Variants in PHLPP1 observed in about 807,000 individuals in gnomAD.
The protein encoded by PHLPP1 is PH domain leucine-rich repeat-containing protein phosphatase 1.
PHLPP1 carries 42 observed loss-of-function variants against 117.2 expected under a neutral mutation model. The ratio of observed to expected loss-of-function variants is 0.36; its 90% CI spans 0.28 to 0.46. The LOEUF (loss-of-function observed/expected upper bound fraction) is 0.46. Ranked by LOEUF, PHLPP1 falls within the 20% of genes least tolerant of loss-of-function variation. The probability of loss-of-function intolerance (pLI) is 1.00; values close to 1 mark genes in which losing one functional copy is unlikely to be tolerated. For synonymous variants in PHLPP1, 1,042 were observed against 970.7 expected (o/e 1.07, Z -1.37); for missense variants, 2,084 against 2,241.9 (o/e 0.93, Z 1.42).
chr18:62,778,505 G>A (rs973793458), intron 1 of PHLPP1, among the ~76,000 whole-genome samples: 3 of 152,074 alleles, frequency 2.0e-5, no homozygotes, highest in Non-Finnish European at 2.9e-5. Flanking sequence ...TCTTTTGGTA[G>A]GAATAAATTC....
chr18:62,771,813 C>T (rs1912790190), intron 1 of PHLPP1, among the ~76,000 whole-genome samples: 1 of 152,232 alleles, frequency 6.6e-6, no homozygotes, highest in African/African-American at 2.4e-5. Flanking sequence ...ATGCACACTA[C>T]TCTAGGCCTT....
intron 4 of PHLPP1, among the ~76,000 whole-genome samples, chr18:62,862,214 G>A (rs1915650972): frequency 6.6e-6 from 1 of 151,882 alleles, no homozygotes; most frequent in African/African-American, 2.4e-5. Context: ...GAAGTAGCTG[G>A]GATTACAGGC....
intron 1 of PHLPP1, among the ~76,000 whole-genome samples, chr18:62,747,771 T>C (rs1165731219): frequency 1.3e-5 from 2 of 151,962 alleles, no homozygotes; most frequent in Admixed American, 1.3e-4. Flanking sequence ...CCTCTCGCCT[T>C]GGCCTTCCAG....
In PHLPP1 at chr18:62,830,126, A is replaced by T; in HGVS notation, c.1668A>T (p.Arg556=). 1 of 1,612,352 alleles carries T rather than the reference A, an allele frequency of 6.2e-7. No individual in the cohort carries two copies. Residue 556 remains arginine, a synonymous_variant, in exon 2 of 17, where the codon CGA becomes CGT. Transcript: ENST00000262719. ...RKGKMQLPVN[R]WTRRQVILCG... is the part of the protein sequence containing the mutation. Reference sequence around the variant, plus strand: ...GCAAGATGCAGTTGCCAGTGAACCGATGGACAAGACGCCAAGTCATCCTAT... The same window carrying T: ...GCAAGATGCAGTTGCCAGTGAACCGTTGGACAAGACGCCAAGTCATCCTAT...
intron 4 of PHLPP1, among the ~76,000 whole-genome samples, chr18:62,872,053 C>T (rs1915919018): frequency 6.6e-6 from 1 of 152,126 alleles, no homozygotes; most frequent in African/African-American, 2.4e-5. Context: ...TTTACCCGTA[C>T]CCTCTAAAAG....
At chr18:62,851,964 G>T (rs1237128050) in intron 3 of PHLPP1, among the ~76,000 whole-genome samples, 1 of 151,540 alleles carries the variant, frequency 6.6e-6, no homozygotes, top group Non-Finnish European at 1.5e-5. Context: ...GCAGCCTCAA[G>T]CTTCTGGGCT....
chr18:62,943,767 A>G (rs1253221902), intron 11 of PHLPP1, among the ~76,000 whole-genome samples: 1 of 152,202 alleles, frequency 6.6e-6, no homozygotes, highest in African/African-American at 2.4e-5. Flanking sequence ...TCACGTTTCA[A>G]CATGAGATTT....
At chr18:62,819,006 A>G (rs1337217053) in intron 1 of PHLPP1, among the ~76,000 whole-genome samples, 1 of 152,264 alleles carries the variant, frequency 6.6e-6, no homozygotes, top group Non-Finnish European at 1.5e-5. Flanking sequence ...CAATAGATGT[A>G]TGTGTTAGAC....
intron 10 of PHLPP1, among the ~76,000 whole-genome samples, chr18:62,924,676 GAAAAAAAAAAA>G (rs35464959): frequency 5.3e-5 from 5 of 93,610 alleles, no homozygotes; most frequent in African/African-American, 2.2e-4. Flanking sequence ...ACTACAAATT[GAAAAAAAAAAA>G]AAAAAAAAAA....
intron 1 of PHLPP1, among the ~76,000 whole-genome samples, chr18:62,772,913 T>C (rs1298891494): frequency 6.7e-6 from 1 of 149,606 alleles, no homozygotes; most frequent in Non-Finnish European, 1.5e-5. Flanking sequence ...CAAAATACAA[T>C]CCTTATATAT....
In PHLPP1 at chr18:62,867,992, A is replaced by G. The variant is rs150962478; in HGVS notation, c.2066+7391A>G. Among the ~76,000 whole-genome samples the G allele has an allele frequency of 2.1e-3, 315 of 151,932 alleles. 1 individual carries two copies. Among genetic ancestry groups the G allele is most frequent in the African/African-American group, 7.2e-3 (299 of 41,430 alleles). ...ACGCCCGGCTAATTTTTCTATTTTT[A>G]GTGGAGACAAGGTTTCACTGTTTTA... On this transcript the variant is annotated intron_variant, in intron 4 of 16. Transcript: ENST00000262719.
At position 62,941,915 on chromosome 18, in the gene PHLPP1, C is replaced by T. The variant is rs1910141411; in HGVS notation, c.3158C>T (p.Ala1053Val). 1 of 1,612,178 alleles carries T rather than the reference C, an allele frequency of 6.2e-7. No homozygotes were observed. Among genetic ancestry groups the T allele is most frequent in the Admixed American group, 1.7e-5 (1 of 59,962 alleles). Residue 1053 changes from alanine (A) to valine (V), a missense_variant, in exon 11 of 17, where the codon GCA becomes GTA. Transcript: ENST00000262719. ...MAYNRLQSFP[A>V]SKMAKLEELE... ...TATAACCGACTTCAGAGTTTTCCAG[C>T]AAGGTAAAGGACAGTTGTAAAGCTG...
Position 62,716,812 on chromosome 18 carries a change from G to A in PHLPP1, c.1129G>A (p.Glu377Lys). Reference sequence around the variant, plus strand: ...CGGCGGCGGCTCCTCGTCGTCGTCGGAAGAGCTCGAGGCCGACGCAGCCTC... The same window carrying A: ...CGGCGGCGGCTCCTCGTCGTCGTCGAAAGAGCTCGAGGCCGACGCAGCCTC... ...SSGGGSSSSS[E>K]ELEADAASAP... The change falls in exon 1 of 17, where the codon GAA becomes AAA. Residue 377 changes from glutamate to lysine, a missense_variant. Physicochemically the swap from Glu to Lys is moderately conservative, Grantham distance 56. Around this residue, in one of 2 missense-constraint regions of PHLPP1, gnomAD observed 719 missense variants for 636.0 expected, o/e 1.13. Transcript: ENST00000262719. This position sits in a 1 kb window ranked among gnomAD's most constrained non-coding sequence, Gnocchi z 5.7. The A allele has an allele frequency of 6.5e-7, 1 of 1,526,792 alleles. No homozygotes were observed. The highest frequency in any genetic ancestry group is 8.8e-7 in the Non-Finnish European group (1 of 1,142,676). The allele number at this position is 1,526,792 out of a possible 1,614,324, so 94.6% of individuals were successfully genotyped here. A position where few individuals can be genotyped will look rare whatever the true frequency, so the allele number is the denominator to read the frequency against.
chr18:62,867,771 G>A (rs1365273781), intron 4 of PHLPP1, among the ~76,000 whole-genome samples: 1 of 152,068 alleles, frequency 6.6e-6, no homozygotes, highest in Non-Finnish European at 1.5e-5. Context: ...AAGATTTAGG[G>A]TAATGAGTGG....
At chr18:62,805,029 G>T (rs1913902091) in intron 1 of PHLPP1, among the ~76,000 whole-genome samples, 1 of 126,304 alleles carries the variant, frequency 7.9e-6, no homozygotes, top group African/African-American at 3.0e-5. Flanking sequence ...ACACTGCATA[G>T]GTTATACATA....
chr18:62,878,908 GTCT>G (rs1916108234), intron 4 of PHLPP1, among the ~76,000 whole-genome samples: 2 of 152,256 alleles, frequency 1.3e-5, no homozygotes, highest in South Asian at 2.1e-4. Flanking sequence ...AAATACCAGT[GTCT>G]TCTTGACATG....
chr18:62,927,255 A>C (rs546796004), intron 10 of PHLPP1, among the ~76,000 whole-genome samples: 24 of 152,316 alleles, frequency 1.6e-4, no homozygotes, highest in Middle Eastern at 3.4e-3. Flanking sequence ...TATAGCATCG[A>C]ACTAAGAAAC....
intron 1 of PHLPP1, among the ~76,000 whole-genome samples, chr18:62,735,554 C>T (rs1237997181): frequency 7.1e-6 from 1 of 141,582 alleles, no homozygotes; most frequent in African/African-American, 2.7e-5. Flanking sequence ...CCCTTCCCAG[C>T]CCCCCATCAA....
rs1568115914 is a variant in PHLPP1, at chr18:62,783,149, T to TA, written c.1577-46886_1577-46885insA. Among the ~76,000 whole-genome samples the TA allele has an allele frequency of 7.4e-3, 1,092 of 146,704 alleles. 20 individuals are homozygous for TA. Among genetic ancestry groups the TA allele is most frequent in the African/African-American group, 0.026 (1,042 of 39,632 alleles). ...GTTAAAAGTATTTGTTTTCAGAGTT[T>TA]TAAAAAAAAAAAAAAAAGATGAGTC... On this transcript the variant is annotated intron_variant, in intron 1 of 16. Coordinates refer to ENST00000262719, the MANE Select transcript of PHLPP1 (RefSeq NM_194449.4).
Sources: gnomAD v4.1 joint callset for allele counts (sites outside exome capture counted in the v4.1 genomes callset) on GRCh38, gnomAD v4.1.1 for gene constraint, gnomAD v4.1.1 regional missense constraint, Gnocchi (gnomAD v3.1) non-coding constraint, MANE v1.5 for transcripts, NCBI Gene and HGNC (gene_info 2026-07-23, HGNC 2026-07-21) for gene names.